DNM2: variants seen among roughly 807,000 people sequenced by gnomAD.
DNM2 encodes dynamin-2.
A neutral mutation model predicts 99.0 loss-of-function variants in DNM2; 15 were observed. That is an observed-to-expected ratio of 0.15 (90% confidence interval 0.10 to 0.23). DNM2 has a LOEUF of 0.23. Ranked by LOEUF, DNM2 falls within the 10% of genes least tolerant of loss-of-function variation. The pLI is 1.00. For synonymous variants in DNM2, 525 were observed against 481.2 expected, an observed-to-expected ratio of 1.09 and a Z score of -1.19; for missense variants, 742 against 1,189.4, an observed-to-expected ratio of 0.62 and a Z score of 5.53.
chr19:10,825,791 T>C (rs933950638), intron 18 of DNM2, among the ~76,000 whole-genome samples: 1 of 144,460 alleles, frequency 6.9e-6, no homozygotes, highest in African/African-American at 2.6e-5. Flanking sequence ...GAGATGGAGA[T>C]GGCAGTGAGC....
chr19:10,819,613 A>G (rs1465079740), intron 15 of DNM2, among the ~76,000 whole-genome samples: 1 of 151,246 alleles, frequency 6.6e-6, no homozygotes, highest in Non-Finnish European at 1.5e-5. Context: ...GCAGTCAGGC[A>G]CCTAGGTCAA....
chr19:10,759,932 G>A, intron 2 of DNM2, 121 bp downstream of exon 2: 1 of 1,358,422 alleles, frequency 7.4e-7, no homozygotes, highest in South Asian at 1.2e-5. Context: ...GAATTCACGT[G>A]TTCCACATGT....
chr19:10,732,997 C>T (rs1338682716), intron 1 of DNM2, among the ~76,000 whole-genome samples: 1 of 151,924 alleles, frequency 6.6e-6, no homozygotes, highest in Admixed American at 6.6e-5. Context: ...GATTCTCCTG[C>T]CTCAGCCTCC....
intron 2 of DNM2, among the ~76,000 whole-genome samples, chr19:10,762,193 C>A (rs891717416): frequency 6.6e-6 from 1 of 152,146 alleles, no homozygotes; most frequent in Admixed American, 6.5e-5. Flanking sequence ...TGAGCTACCA[C>A]GCCCGGCTAA....
intron 1 of DNM2, among the ~76,000 whole-genome samples, chr19:10,728,631 G>T (rs2069189441): frequency 6.6e-6 from 1 of 152,176 alleles, no homozygotes; most frequent in Non-Finnish European, 1.5e-5. Context: ...GGACAGACAG[G>T]ACAGGTGAAC....
chr19:10,723,741 C>G (rs542454456), intron 1 of DNM2, among the ~76,000 whole-genome samples: 1 of 152,312 alleles, frequency 6.6e-6, no homozygotes, highest in East Asian at 1.9e-4. Flanking sequence ...GGACATGGCC[C>G]TGAGCAAGTT....
chr19:10,831,083 G>T lies in DNM2; in HGVS notation c.*36G>T. ...GGGCGTGCTCTCGGGGGGGCCTCAC[G>T]CACCCGCGGCGCAGGAGCTTCAGTG... On this transcript the variant is annotated 3_prime_UTR_variant, in exon 21 of 21. Coordinates refer to ENST00000389253, the MANE Select transcript of DNM2 (RefSeq NM_001005361.3). The surrounding 1 kb of genome is among the most constrained non-coding windows in gnomAD (Gnocchi z 4.3). The T allele has an allele frequency of 6.4e-7, 1 of 1,566,562 alleles. No individual in the cohort carries two copies. Among genetic ancestry groups the T allele is most frequent in the East Asian group, 2.3e-5 (1 of 42,834 alleles).
At chr19:10,807,539 C>CTTTTTT (rs763788862) in intron 13 of DNM2, among the ~76,000 whole-genome samples, 1 of 91,212 alleles carries the variant, frequency 1.1e-5, no homozygotes, top group Non-Finnish European at 2.0e-5. Context: ...CACGTCCAGC[C>CTTTTTT]TTTTTTTTTT....
intron 3 of DNM2, among the ~76,000 whole-genome samples, chr19:10,773,617 TTTTTTTTTATTTTTTA>T (rs2071054783): frequency 1.3e-5 from 2 of 150,646 alleles, no homozygotes; most frequent in South Asian, 4.2e-4. Flanking sequence ...CCTGGCTAAT[TTTTTTTTTATTTTTTA>T]TTTTTTTTAT....
chr19:10,739,588 C>T (rs536327436), intron 1 of DNM2, among the ~76,000 whole-genome samples: 18 of 152,254 alleles, frequency 1.2e-4, no homozygotes, highest in Admixed American at 6.5e-5. Flanking sequence ...GGTGCAGTGG[C>T]GCACGCCTGT....
At chr19:10,769,300 G>C (rs1234755747) in intron 2 of DNM2, 2 of 152,332 alleles carry the variant, frequency 1.3e-5, no homozygotes, top group African/African-American at 4.8e-5. Flanking sequence ...GTACATGCTG[G>C]GCTCTGGGGT....
In DNM2 at chr19:10,830,204, GGCC is replaced by G. The variant is rs2073288882; in HGVS notation, c.2370_2372del (p.Pro792del). 4.3e-6 allele frequency: 7 copies of G among 1,613,696 alleles called. No individual in the cohort carries two copies. In the East Asian group the frequency reaches 1.6e-4, roughly 36 times the overall value. The stretch of plus-strand genomic sequence containing the variant: ...CCAGCAGTGAGGGGCCCCACTCCAG[GGCC>G]CCCCCTGATTCCTGTTCCCGTGGGG... On this transcript the variant is annotated inframe_deletion, in exon 20 of 21. Transcript: ENST00000389253. This position sits in a 1 kb window ranked among gnomAD's most constrained non-coding sequence, Gnocchi z 4.8.
At chr19:10,740,128 C>G (rs1165238814) in intron 1 of DNM2, among the ~76,000 whole-genome samples, 1 of 151,868 alleles carries the variant, frequency 6.6e-6, no homozygotes, top group African/African-American at 2.4e-5. Context: ...CTCTTTATTT[C>G]TGATTTTTGT....
At chr19:10,768,937 G>C (rs543665416) in intron 2 of DNM2, 5 of 152,602 alleles carry the variant, frequency 3.3e-5, no homozygotes, top group South Asian at 2.1e-4. Flanking sequence ...ACGAAGGCAG[G>C]GGAGGAGGGG....
In DNM2 at chr19:10,825,199, T is replaced by A. The variant is rs2073101760; in HGVS notation, c.2036T>A (p.Ile679Asn). 1 of 1,613,958 alleles carries A rather than the reference T, an allele frequency of 6.2e-7. No homozygotes were observed. Among genetic ancestry groups the A allele is most frequent in the Admixed American group, 1.7e-5 (1 of 60,002 alleles). Residue 679 changes from isoleucine (I) to asparagine (N), a missense_variant, in exon 18 of 21, where the codon ATC becomes AAC. Ile to Asn is a moderately radical substitution (Grantham distance 149). This residue lies in a region of DNM2 where 240 missense variants were observed against 431.3 expected (regional missense o/e 0.56). Transcript: ENST00000389253. ...KSIRDLMPKT[I>N]MHLMINNTKA... ...ATCCGCGACCTCATGCCAAAGACCA[T>A]CATGCACCTCATGATCAACAATGTG...
chr19:10,758,878 C>A (rs923132056), intron 1 of DNM2, among the ~76,000 whole-genome samples: 3 of 152,096 alleles, frequency 2.0e-5, no homozygotes, highest in African/African-American at 7.2e-5. Flanking sequence ...ACAGCTCTGT[C>A]GAATAGTAAT....
chr19:10,729,814 C>CT (rs1312203844), intron 1 of DNM2, among the ~76,000 whole-genome samples: 2 of 152,040 alleles, frequency 1.3e-5, no homozygotes, highest in African/African-American at 4.8e-5. Context: ...TGTTTCTGTA[C>CT]TTAGGTACAT....
At chr19:10,827,567 C>CT (rs1568323178) in intron 18 of DNM2, among the ~76,000 whole-genome samples, 1 of 150,334 alleles carries the variant, frequency 6.7e-6, no homozygotes. Context: ...GAGACCCTAT[C>CT]TAAAAAAAAA....
intron 10 of DNM2, among the ~76,000 whole-genome samples, chr19:10,797,742 A>C (rs1159784183): frequency 6.6e-6 from 1 of 152,160 alleles, no homozygotes; most frequent in Non-Finnish European, 1.5e-5. Context: ...TGTTGTTGCC[A>C]AACGCATTGC....
Sources: gnomAD v4.1 joint callset for allele counts (sites outside exome capture counted in the v4.1 genomes callset) on GRCh38, gnomAD v4.1.1 for gene constraint, gnomAD v4.1.1 regional missense constraint, Gnocchi (gnomAD v3.1) non-coding constraint, MANE v1.5 for transcripts, NCBI Gene and HGNC (gene_info 2026-07-23, HGNC 2026-07-21) for gene names.